Variants in UBN2 observed in about 807,000 individuals in gnomAD.
UBN2 encodes the protein ubinuclein 2.
UBN2 carries 35 observed loss-of-function variants against 120.2 expected under a neutral mutation model. The ratio of observed to expected loss-of-function variants is 0.29; its 90% confidence interval spans 0.22 to 0.39. UBN2 has a LOEUF of 0.39. UBN2 is among the 10% of genes least tolerant of loss of function. The pLI, the probability that UBN2 is intolerant of heterozygous loss-of-function variation, is 1.00. For synonymous variants in UBN2, 661 were observed against 648.7 expected, an observed-to-expected ratio of 1.02 and a Z score of -0.29; for missense variants, 1,693 against 1,663.2, an observed-to-expected ratio of 1.02 and a Z score of -0.31.
chr7:139,266,268 T>G, intron 6 of UBN2, 65 bp from the exon 7 acceptor site: 2 of 985,942 alleles, frequency 2.0e-6, no homozygotes, highest in Non-Finnish European at 3.1e-6. Flanking sequence ...TGAACACGTG[T>G]CCTAAGAATG....
chr7:139,284,615 T>C (rs527531279), intron 15 of UBN2, 41 bp downstream of exon 15: 1 of 1,515,872 alleles, frequency 6.6e-7, no homozygotes, highest in African/African-American at 1.4e-5. Context: ...ACTATAAGAT[T>C]GTATAATGTC....
chr7:139,272,566 G>C, intron 9 of UBN2, 126 bp downstream of exon 9: 1 of 703,956 alleles, frequency 1.4e-6, no homozygotes, highest in Non-Finnish European at 2.2e-6. Context: ...TCAGTCTGTT[G>C]CCCAGGCTGG....
In UBN2 at chr7:139,291,945, A is replaced by G. The variant is rs371240654; in HGVS notation, c.3670-1287A>G. Among the ~76,000 whole-genome samples the G allele has an allele frequency of 2.6e-5, 4 of 152,238 alleles. No individual in the cohort carries two copies. The East Asian group carries it at 7.7e-4, about 29-fold the overall frequency. On this transcript the variant is annotated intron_variant, in intron 15 of 17. Transcript: ENST00000473989. ...CATGTAGAAAATTGTTCAAAGAATT[A>G]AACTAGCTATAGGAATGTATTTGCC...
chr7:139,290,475 A>G (rs996527519), intron 15 of UBN2, among the ~76,000 whole-genome samples: 1 of 152,214 alleles, frequency 6.6e-6, no homozygotes, highest in Admixed American at 6.5e-5. Context: ...TTTGTTGACT[A>G]TAATGTTATC....
At chr7:139,247,057 A>G (rs769349624) in intron 2 of UBN2, among the ~76,000 whole-genome samples, 10 of 151,608 alleles carry the variant, frequency 6.6e-5, no homozygotes, top group Middle Eastern at 3.4e-3. Flanking sequence ...ACACATTTTC[A>G]TTTCTCTTGG....
chr7:139,238,926 G>GGATGTATAAATCGTAAAATCCTATAT (rs1796235447), intron 2 of UBN2, among the ~76,000 whole-genome samples: 1 of 152,086 alleles, frequency 6.6e-6, no homozygotes, highest in East Asian at 1.9e-4. Flanking sequence ...AAATCCTATA[G>GGATGTATAAATCGTAAAATCCTATAT]GATGTATAAA....
At chr7:139,266,953 A>G (rs1797116362) in intron 7 of UBN2, among the ~76,000 whole-genome samples, 1 of 152,228 alleles carries the variant, frequency 6.6e-6, no homozygotes, top group African/African-American at 2.4e-5. Flanking sequence ...TATATAATAT[A>G]GATTGTATTT....
chr7:139,262,360 A>G (rs1374024391), intron 6 of UBN2, among the ~76,000 whole-genome samples: 2 of 152,126 alleles, frequency 1.3e-5, no homozygotes, highest in East Asian at 3.8e-4. Flanking sequence ...TTGACCTCCC[A>G]AAGTGCTGGG....
At chr7:139,275,861 GCTT>G (rs1797428306) in intron 11 of UBN2, among the ~76,000 whole-genome samples, 2 of 152,140 alleles carry the variant, frequency 1.3e-5, no homozygotes, top group South Asian at 4.1e-4. Flanking sequence ...TGTAATTCCA[GCTT>G]CTTTGAAAGC....
chr7:139,275,043 C>T (rs986002519), intron 11 of UBN2, among the ~76,000 whole-genome samples: 2 of 151,910 alleles, frequency 1.3e-5, no homozygotes, highest in Non-Finnish European at 2.9e-5. Flanking sequence ...TTTGGGAGGC[C>T]GAGGCTGGTG....
the UBN2 span, among the ~76,000 whole-genome samples, chr7:139,325,093 T>A: frequency 6.6e-6 from 1 of 152,206 alleles, no homozygotes; most frequent in African/African-American, 2.4e-5. Flanking sequence ...TTGATAAAAG[T>A]ATTTTCAAAA....
chr7:139,264,306 A>AT (rs1563213270), intron 6 of UBN2, among the ~76,000 whole-genome samples: 1 of 151,952 alleles, frequency 6.6e-6, no homozygotes, highest in East Asian at 1.9e-4. Context: ...ATCTATGGTT[A>AT]TTTTTTTCCC....
intron 6 of UBN2, among the ~76,000 whole-genome samples, chr7:139,264,765 T>TTTTTAGTA (rs1205747186): frequency 1.3e-5 from 2 of 152,152 alleles, no homozygotes; most frequent in Non-Finnish European, 2.9e-5. Flanking sequence ...AATTTTTGTA[T>TTTTTAGTA]TTTTAGTAGA....
At chr7:139,295,844 C>A (rs1798094902) in intron 17 of UBN2, among the ~76,000 whole-genome samples, 1 of 152,160 alleles carries the variant, frequency 6.6e-6, no homozygotes, top group Non-Finnish European at 1.5e-5. Context: ...TCACCTACAC[C>A]TGGGAGGTTG....
At chr7:139,325,261 CTTTTTTTTTT>C in the UBN2 span, among the ~76,000 whole-genome samples, 12 of 90,850 alleles carry the variant, frequency 1.3e-4, no homozygotes, top group African/African-American at 5.5e-4. Flanking sequence ...GAAATCACTG[CTTTTTTTTTT>C]TTTTTTTTTT....
chr7:139,258,375 T>C, intron 3 of UBN2, 113 bp from the exon 4 acceptor site: 1 of 675,302 alleles, frequency 1.5e-6, no homozygotes, highest in Non-Finnish European at 2.2e-6. Flanking sequence ...TATTGCAGTC[T>C]GTGTTGCAGT....
chr7:139,266,513 T>A, intron 7 of UBN2, 110 bp downstream of exon 7: 2 of 589,950 alleles, frequency 3.4e-6, no homozygotes, highest in Non-Finnish European at 6.0e-6. Context: ...GTTCTTCCCC[T>A]TAAGCCTTAC....
intron 7 of UBN2, among the ~76,000 whole-genome samples, chr7:139,267,598 A>G (rs1288846383): frequency 2.6e-5 from 4 of 152,152 alleles, no homozygotes; most frequent in African/African-American, 7.2e-5. Context: ...GGAAAGTAAT[A>G]TTTATAATAC....
intron 2 of UBN2, 50 bp from the exon 3 acceptor site, chr7:139,251,906 A>G: frequency 6.4e-7 from 1 of 1,556,566 alleles, no homozygotes. Context: ...TTTAAACTTT[A>G]TGGAAACAGC....
Sources: gnomAD v4.1 joint callset for allele counts (sites outside exome capture counted in the v4.1 genomes callset) on GRCh38, gnomAD v4.1.1 for gene constraint, MANE v1.5 for transcripts, NCBI Gene and HGNC (gene_info 2026-07-23, HGNC 2026-07-21) for gene names.